STAG1: variants seen among roughly 807,000 people sequenced by gnomAD.
STAG1 encodes STAG1 cohesin complex component.
In STAG1, 26 loss-of-function variants were observed where a neutral mutation model predicts 170.9. The observed-to-expected ratio is 0.15, with a 90% confidence interval of 0.11 to 0.21. STAG1 has a LOEUF of 0.21. Ranked by LOEUF, STAG1 falls within the 10% of genes least tolerant of loss-of-function variation. The pLI, the probability that STAG1 is intolerant of heterozygous loss-of-function variation, is 1.00. For synonymous variants in STAG1, 514 were observed against 497.7 expected (o/e 1.03, Z -0.44); for missense variants, 964 against 1,509.5 (o/e 0.64, Z 5.99).
intron 3 of STAG1, among the ~76,000 whole-genome samples, chr3:136,604,727 T>C (rs1241361411): frequency 1.3e-5 from 2 of 152,182 alleles, no homozygotes; most frequent in East Asian, 3.9e-4. Context: ...CTTAGCTCAC[T>C]GCAGCATCCT....
At chr3:136,690,045 A>G (rs902362425) in intron 1 of STAG1, among the ~76,000 whole-genome samples, 8 of 149,458 alleles carry the variant, frequency 5.4e-5, no homozygotes, top group African/African-American at 2.0e-4. Context: ...GTAACAAAAG[A>G]AAAAGCAAAC....
intron 1 of STAG1, among the ~76,000 whole-genome samples, chr3:136,650,633 T>C (rs1247846965): frequency 6.6e-6 from 1 of 152,168 alleles, no homozygotes; most frequent in Non-Finnish European, 1.5e-5. Flanking sequence ...AAGATTTCAT[T>C]TTGTCTAATG....
chr3:136,517,686 T>C (rs1458856123), intron 7 of STAG1, among the ~76,000 whole-genome samples: 2 of 151,954 alleles, frequency 1.3e-5, no homozygotes, highest in African/African-American at 4.8e-5. Flanking sequence ...AAGTTCCCAG[T>C]CTCAGATTGT....
chr3:136,372,312 C>T (rs1273493219), intron 23 of STAG1, among the ~76,000 whole-genome samples: 1 of 152,162 alleles, frequency 6.6e-6, no homozygotes, highest in Non-Finnish European at 1.5e-5. Flanking sequence ...AATTTGACTT[C>T]CTCTTTTCCT....
chr3:136,715,927 G>A (rs1943529959), intron 1 of STAG1, among the ~76,000 whole-genome samples: 1 of 151,566 alleles, frequency 6.6e-6, no homozygotes, highest in Non-Finnish European at 1.5e-5. Context: ...GCAAAACGCT[G>A]TTTCTACTAA....
At chr3:136,421,536 C>A (rs1341370496) in intron 19 of STAG1, among the ~76,000 whole-genome samples, 2 of 151,804 alleles carry the variant, frequency 1.3e-5, no homozygotes, top group African/African-American at 2.4e-5. Context: ...TTGAAAAAAA[C>A]TGGTAAGTTT....
At chr3:136,511,173 G>A (rs187192733) in intron 7 of STAG1, among the ~76,000 whole-genome samples, 4 of 152,150 alleles carry the variant, frequency 2.6e-5, no homozygotes, top group Non-Finnish European at 5.9e-5. Context: ...TTTGCATTCT[G>A]CCATGATTGT....
chr3:136,694,946 T>C (rs1179602440), intron 1 of STAG1, among the ~76,000 whole-genome samples: 1 of 152,134 alleles, frequency 6.6e-6, no homozygotes, highest in Non-Finnish European at 1.5e-5. Flanking sequence ...ACCTGAGAAA[T>C]AGAAAAAGTT....
chr3:136,463,745 G>GTA (rs2089345591), intron 13 of STAG1, among the ~76,000 whole-genome samples: 2 of 78,752 alleles, frequency 2.5e-5, no homozygotes, highest in African/African-American at 5.1e-5. Context: ...ATGTGTGTGT[G>GTA]TGTGTGTGTG....
At chr3:136,377,807 T>C in intron 22 of STAG1, 55 bp from the exon 23 acceptor site, 4 of 1,450,864 alleles carry the variant, frequency 2.8e-6, no homozygotes, top group Non-Finnish European at 3.9e-6. Context: ...AGAAAACTGA[T>C]CTAGAAGAAA....
chr3:136,468,087 A>G (rs1378371795), intron 12 of STAG1, among the ~76,000 whole-genome samples: 1 of 152,172 alleles, frequency 6.6e-6, no homozygotes, highest in Non-Finnish European at 1.5e-5. Context: ...TAACATCACA[A>G]TCGAAAGAAC....
intron 5 of STAG1, among the ~76,000 whole-genome samples, chr3:136,556,525 T>C (rs1936623409): frequency 1.3e-5 from 2 of 152,160 alleles, no homozygotes; most frequent in South Asian, 4.1e-4. Flanking sequence ...TTCAATATAA[T>C]TCCATTTAAA....
chr3:136,411,357 G>A (rs1332053011), intron 21 of STAG1, among the ~76,000 whole-genome samples: 2 of 151,892 alleles, frequency 1.3e-5, no homozygotes, highest in Non-Finnish European at 2.9e-5. Flanking sequence ...ATTTTTCTTA[G>A]AGGTTATCTG....
chr3:136,552,701 C>T (rs1936459477), intron 5 of STAG1, among the ~76,000 whole-genome samples: 1 of 152,096 alleles, frequency 6.6e-6, no homozygotes, highest in Non-Finnish European at 1.5e-5. Context: ...TCACCTCATA[C>T]TCTGGGGAAA....
chr3:136,532,768 C>T (rs1935441664), intron 6 of STAG1, among the ~76,000 whole-genome samples: 1 of 152,122 alleles, frequency 6.6e-6, no homozygotes, highest in South Asian at 2.1e-4. Flanking sequence ...GAATATACCT[C>T]AAAATAACAA....
intron 1 of STAG1, among the ~76,000 whole-genome samples, chr3:136,662,158 T>C (rs928995725): frequency 1.3e-5 from 2 of 151,820 alleles, no homozygotes; most frequent in African/African-American, 4.8e-5. Context: ...AGACTCTTTT[T>C]TTTTTTTTTT....
At chr3:136,477,913 C>G (rs954067961) in intron 9 of STAG1, among the ~76,000 whole-genome samples, 2 of 152,058 alleles carry the variant, frequency 1.3e-5, no homozygotes, top group African/African-American at 2.4e-5. Flanking sequence ...CCTCAGCCAC[C>G]CAAGTAGCTG....
chr3:136,672,752 G>C (rs1378799014), intron 1 of STAG1, among the ~76,000 whole-genome samples: 1 of 152,200 alleles, frequency 6.6e-6, no homozygotes, highest in Non-Finnish European at 1.5e-5. Flanking sequence ...CTAGTCATAT[G>C]TGCCAGTCAA....
intron 1 of STAG1, among the ~76,000 whole-genome samples, chr3:136,697,345 T>C (rs1942927953): frequency 6.6e-6 from 1 of 152,234 alleles, no homozygotes; most frequent in South Asian, 2.1e-4. Context: ...CTGCATCAAC[T>C]GCAAGTTGTT....
Sources: allele counts gnomAD v4.1 joint callset (sites outside exome capture counted in the v4.1 genomes callset), GRCh38; gene constraint gnomAD v4.1.1; transcripts MANE v1.5; gene names NCBI Gene and HGNC (gene_info 2026-07-23, HGNC 2026-07-21).